PTK2: variants seen among roughly 807,000 people sequenced by gnomAD.
The protein encoded by PTK2 is protein tyrosine kinase 2, also known as focal adhesion kinase 1.
PTK2 carries 45 observed loss-of-function variants against 150.1 expected under a neutral mutation model. The observed-to-expected ratio is 0.30, with a 90% confidence interval of 0.24 to 0.38. The LOEUF (loss-of-function observed/expected upper bound fraction) is 0.38, where lower values mean the gene tolerates loss of function less well. PTK2 is among the 10% of genes least tolerant of loss of function. The pLI, the probability that PTK2 is intolerant of heterozygous loss-of-function variation, is 1.00. For missense variants in PTK2, 919 were observed against 1,307.3 expected (o/e 0.70, Z 4.58); for synonymous variants, 432 against 449.2 (o/e 0.96, Z 0.48).
chr8:140,851,795 G>A (rs979861654), intron 5 of PTK2, among the ~76,000 whole-genome samples: 1 of 151,488 alleles, frequency 6.6e-6, no homozygotes, highest in South Asian at 2.1e-4. Context: ...GGAGGCAGAG[G>A]TTGCAGTGAG....
rs533149146 is a variant in PTK2, at chr8:140,746,269, T to A, written c.1518+491A>T. Among the ~76,000 whole-genome samples, 4 of 152,232 alleles carry A rather than the reference T, an allele frequency of 2.6e-5. No homozygotes were observed. In the East Asian group the frequency reaches 7.7e-4, roughly 29 times the overall value. Reference sequence around the variant, plus strand: ...TCGCTTGAGCCCAGGAGGTCGAGGCTGCAGTGAGCTGTGGTTATGCTACTA... The same window carrying A: ...TCGCTTGAGCCCAGGAGGTCGAGGCAGCAGTGAGCTGTGGTTATGCTACTA... On this transcript the variant is annotated intron_variant, in intron 18 of 31. Coordinates refer to ENST00000522684, the Ensembl canonical transcript of PTK2.
chr8:140,735,851 A>G (rs1335221381), intron 21 of PTK2, among the ~76,000 whole-genome samples: 1 of 152,208 alleles, frequency 6.6e-6, no homozygotes, highest in Non-Finnish European at 1.5e-5. Flanking sequence ...TCCAATAAAG[A>G]AAATCCTAGG....
intron 27 of PTK2, 69 bp downstream of exon 30, chr8:140,686,563 T>C: frequency 8.4e-7 from 1 of 1,184,126 alleles, no homozygotes; most frequent in Non-Finnish European, 1.3e-6. Context: ...GGATATATTG[T>C]GACATAAACA....
At chr8:140,809,644 A>G (rs959874659) in intron 10 of PTK2, among the ~76,000 whole-genome samples, 5 of 152,120 alleles carry the variant, frequency 3.3e-5, no homozygotes, top group Non-Finnish European at 5.9e-5. Flanking sequence ...CTCTCTACAA[A>G]AAAATACAAA....
chr8:140,691,727 G>A (rs1187758099), intron 26 of PTK2, among the ~76,000 whole-genome samples: 1 of 152,200 alleles, frequency 6.6e-6, no homozygotes, highest in East Asian at 1.9e-4. Flanking sequence ...TTCCTCACCT[G>A]TAAAATAGGC....
intron 2 of PTK2, among the ~76,000 whole-genome samples, chr8:140,911,652 A>C (rs62521905): frequency 0.42 from 63,799 of 151,928 alleles, 14,135 homozygotes; most frequent in South Asian, 0.55. Context: ...AGACCAAGAC[A>C]CAGAACATTT....
intron 17 of PTK2, among the ~76,000 whole-genome samples, chr8:140,751,252 T>C (rs952999957): frequency 8.5e-5 from 13 of 152,222 alleles, no homozygotes; most frequent in African/African-American, 2.2e-4. Context: ...CACTGCTACA[T>C]GGGCCTCCCA....
intron 1 of PTK2, among the ~76,000 whole-genome samples, chr8:140,988,384 TAGAC>T (rs1326721410): frequency 3.9e-5 from 6 of 152,308 alleles, no homozygotes; most frequent in Middle Eastern, 3.4e-3. Flanking sequence ...TATAATAACT[TAGAC>T]AGCTTAGTGC....
At chr8:140,754,878 C>T (rs1052265046) in intron 16 of PTK2, among the ~76,000 whole-genome samples, 2 of 152,070 alleles carry the variant, frequency 1.3e-5, no homozygotes, top group African/African-American at 4.8e-5. Context: ...GTAAGTAAGA[C>T]CAGAACGTGT....
At chr8:140,818,777 T>A in intron 9 of PTK2, 103 bp downstream of exon 9, 1 of 1,232,972 alleles carries the variant, frequency 8.1e-7, no homozygotes, top group Non-Finnish European at 1.1e-6. Flanking sequence ...TTGAAAAAAA[T>A]GGGACAAGTT....
intron 30 of PTK2, among the ~76,000 whole-genome samples, chr8:140,667,464 CTCTTTTTT>C (rs1206299451): frequency 1.2e-5 from 1 of 84,640 alleles, no homozygotes; most frequent in African/African-American, 4.3e-5. Context: ...CTCTCTCTCT[CTCTTTTTT>C]TTTTTTTTTA....
In PTK2 at chr8:140,719,905, A is replaced by T. The variant is rs980074390; in HGVS notation, c.2031-2196T>A. ...GTCTCACCAAAAAAAAAAAAAAAAA[A>T]AAAAAAAAATCAAAAACAACAACAA... is the stretch of plus-strand genomic sequence containing the variant. On this transcript the variant is annotated intron_variant, in intron 22 of 31. Transcript: ENST00000522684. Among the ~76,000 whole-genome samples the T allele has an allele frequency of 7.7e-3, 847 of 109,946 alleles. 6 individuals are homozygous for T. Among genetic ancestry groups the T allele is most frequent in the Non-Finnish European group, 0.013 (611 of 45,816 alleles). The allele number at this position is 109,946 out of a possible 152,430, so 72.1% of individuals were successfully genotyped here.
chr8:140,938,756 AT>A, intron 1 of PTK2, among the ~76,000 whole-genome samples: 1 of 152,348 alleles, frequency 6.6e-6, no homozygotes, highest in South Asian at 2.1e-4. Context: ...AGCCATCATG[AT>A]TACTGTACAA....
At chr8:140,662,888 AT>A (rs1482960543) in intron 31 of PTK2, 5 of 409,702 alleles carry the variant, frequency 1.2e-5, no homozygotes, top group African/African-American at 1.0e-4. Flanking sequence ...CACTGAGCCT[AT>A]GTTTGTCAAA....
chr8:140,995,453 C>T (rs1044887750), intron 1 of PTK2, among the ~76,000 whole-genome samples: 4 of 151,700 alleles, frequency 2.6e-5, no homozygotes, highest in Non-Finnish European at 5.9e-5. Context: ...AAGAGTCCCG[C>T]CTATCTCACT....
At chr8:140,824,221 A>C (rs1387456478) in intron 8 of PTK2, among the ~76,000 whole-genome samples, 1 of 152,236 alleles carries the variant, frequency 6.6e-6, no homozygotes, top group Non-Finnish European at 1.5e-5. Context: ...AATGTGTTTG[A>C]AAGTAATAAC....
intron 1 of PTK2, among the ~76,000 whole-genome samples, chr8:140,934,125 T>C (rs1310958162): frequency 6.6e-6 from 1 of 152,106 alleles, no homozygotes; most frequent in Non-Finnish European, 1.5e-5. Flanking sequence ...ACTATAAACA[T>C]TACAGAAAAG....
intron 27 of PTK2, among the ~76,000 whole-genome samples, chr8:140,677,250 A>T (rs1316503146): frequency 1.3e-5 from 2 of 152,154 alleles, no homozygotes; most frequent in Non-Finnish European, 2.9e-5. Context: ...GCTTGGTAGC[A>T]CTGGGTGTGT....
At chr8:140,780,346 T>G (rs1471911002) in intron 14 of PTK2, among the ~76,000 whole-genome samples, 4 of 152,132 alleles carry the variant, frequency 2.6e-5, no homozygotes, top group Non-Finnish European at 5.9e-5. Flanking sequence ...TGATTAGTCT[T>G]AACATCACAA....
Sources: allele counts gnomAD v4.1 joint callset (sites outside exome capture counted in the v4.1 genomes callset), GRCh38; gene constraint gnomAD v4.1.1; transcripts MANE v1.5; gene names NCBI Gene and HGNC (gene_info 2026-07-23, HGNC 2026-07-21).